The following STAU2 variants were observed in gnomAD, a reference collection of about 807,000 sequenced individuals.
STAU2 encodes the protein staufen double-stranded RNA binding protein 2, also known as double-stranded RNA-binding protein Staufen homolog 2.
In STAU2, 20 loss-of-function variants were observed where a neutral mutation model predicts 65.9. The observed-to-expected ratio is 0.30, with a 90% CI of 0.21 to 0.44. The LOEUF (loss-of-function observed/expected upper bound fraction) is 0.44. Ranked by LOEUF, STAU2 falls within the 20% of genes least tolerant of loss-of-function variation. The pLI is 1.00. For synonymous variants in STAU2, 232 were observed against 233.9 expected (o/e 0.99, Z 0.07); for missense variants, 558 against 683.9 (o/e 0.82, Z 2.05).
intron 13 of STAU2, among the ~76,000 whole-genome samples, chr8:73,523,024 C>G (rs895640122): frequency 6.6e-6 from 1 of 151,640 alleles, no homozygotes; most frequent in Non-Finnish European, 1.5e-5. Context: ...GGTGAAACCC[C>G]GTCTCTACTA....
chr8:73,608,796 C>T (rs28613252), intron 9 of STAU2, among the ~76,000 whole-genome samples: 1 of 151,848 alleles, frequency 6.6e-6, no homozygotes, highest in African/African-American at 2.4e-5. Flanking sequence ...TCAAGACCAG[C>T]CTGGCCGACA....
chr8:73,492,712 CAG>C (rs796228445), intron 13 of STAU2, among the ~76,000 whole-genome samples: 6 of 151,868 alleles, frequency 4.0e-5, no homozygotes, highest in African/African-American at 1.2e-4. Context: ...GTGTAAAAGA[CAG>C]ATTGGATTTA....
In STAU2 at chr8:73,581,638, T is replaced by C. The variant is rs184907527; in HGVS notation, c.1222+1132A>G. Among the ~76,000 whole-genome samples, 182 of 152,322 alleles carry C rather than the reference T, an allele frequency of 1.2e-3. 1 individual carries two copies. The highest frequency in any genetic ancestry group is 9.1e-3 in the South Asian group (44 of 4,822). On this transcript the variant is annotated intron_variant, in intron 12 of 14. Transcript: ENST00000524300. ...CAAACTCTAGGAATCCTGAACTGAT[T>C]CCATTTTTTCCTTGGGCTATGTGCT...
At position 73,577,441 on chromosome 8, in the gene STAU2, T is replaced by TTATATA. The variant is rs369079649; in HGVS notation, c.1222+5323_1222+5328dup. On this transcript the variant is annotated intron_variant, in intron 12 of 14. Transcript: ENST00000524300. Reference sequence around the variant, plus strand: ...GACTCCATCTCAAAAAAAAAAAAAATTATATATATATATATACACACACAT... The same window carrying TTATATA: ...GACTCCATCTCAAAAAAAAAAAAAATTATATATATATATATATATATACACACACAT... Among the ~76,000 whole-genome samples, 360 of 145,108 alleles carry TTATATA rather than the reference T, an allele frequency of 2.5e-3. 2 individuals are homozygous for TTATATA. The highest frequency in any genetic ancestry group is 5.7e-3 in the African/African-American group (225 of 39,222).
At chr8:73,605,056 G>A (rs1214478972) in intron 9 of STAU2, among the ~76,000 whole-genome samples, 1 of 152,002 alleles carries the variant, frequency 6.6e-6, no homozygotes, top group East Asian at 1.9e-4. Context: ...TCATATAATG[G>A]AATGGTATAT....
intron 3 of STAU2, among the ~76,000 whole-genome samples, chr8:73,734,815 C>A (rs1806320636): frequency 1.3e-5 from 2 of 151,880 alleles, no homozygotes; most frequent in South Asian, 2.1e-4. Flanking sequence ...AATAAAAAAG[C>A]ATCTAATTCA....
chr8:73,449,097 G>A (rs763844173), intron 13 of STAU2, among the ~76,000 whole-genome samples: 18 of 152,228 alleles, frequency 1.2e-4, no homozygotes, highest in Admixed American at 2.0e-4. Flanking sequence ...AGCCAACAGC[G>A]GCCTTCGAGC....
chr8:73,673,228 T>C lies in STAU2; in HGVS notation c.289A>G (p.Thr97Ala). ...VNNNPGSITP[T>A]VELNGLAMKR... ...ATAGCAAGCCCATTCAGTTCCACAG[T>C]TGGAGTTATACTGCCTGTTTAAAAA... The change falls in exon 6 of 15, where the codon ACT becomes GCT. Residue 97 changes from threonine to alanine, a missense_variant. Thr to Ala is a moderately conservative substitution (Grantham distance 58). This residue lies in a region of STAU2 where 112 missense variants were observed against 114.2 expected (regional missense o/e 0.98). Transcript: ENST00000524300. 4 of 1,591,120 alleles carry C rather than the reference T, an allele frequency of 2.5e-6. 1 individual carries two copies. Among genetic ancestry groups the C allele is most frequent in the Non-Finnish European group, 2.6e-6 (3 of 1,169,732 alleles).
At chr8:73,670,275 T>TA (rs1563495628) in intron 6 of STAU2, among the ~76,000 whole-genome samples, 2 of 152,016 alleles carry the variant, frequency 1.3e-5, no homozygotes, top group Non-Finnish European at 2.9e-5. Context: ...GCAGAGATGT[T>TA]ACAGGAGAGA....
chr8:73,578,225 G>A (rs1023298843), intron 12 of STAU2, among the ~76,000 whole-genome samples: 3 of 151,976 alleles, frequency 2.0e-5, no homozygotes, highest in Non-Finnish European at 4.4e-5. Flanking sequence ...AAATCTTTCC[G>A]GAGAATATTG....
At chr8:73,693,520 T>G (rs1006488049) in intron 4 of STAU2, among the ~76,000 whole-genome samples, 5 of 152,146 alleles carry the variant, frequency 3.3e-5, no homozygotes, top group African/African-American at 1.2e-4. Context: ...AAAAATTTCT[T>G]TTTACTATCT....
intron 13 of STAU2, among the ~76,000 whole-genome samples, chr8:73,425,767 G>A (rs183360192): frequency 2.1e-4 from 32 of 152,072 alleles, no homozygotes; most frequent in Middle Eastern, 3.4e-3. Flanking sequence ...ACATCTTGGC[G>A]CACGTCTTTC....
intron 13 of STAU2, among the ~76,000 whole-genome samples, chr8:73,429,465 C>G: frequency 9.3e-6 from 1 of 107,854 alleles, no homozygotes; most frequent in African/African-American, 3.5e-5. Flanking sequence ...CAAAGTCTCA[C>G]TCTGTTGCTC....
intron 13 of STAU2, among the ~76,000 whole-genome samples, chr8:73,509,848 C>T (rs895738385): frequency 6.6e-6 from 1 of 151,996 alleles, no homozygotes; most frequent in African/African-American, 2.4e-5. Flanking sequence ...GAATAATATG[C>T]TTATGCAGAG....
intron 4 of STAU2, among the ~76,000 whole-genome samples, chr8:73,706,771 G>A (rs1449885347): frequency 6.6e-6 from 1 of 152,076 alleles, no homozygotes; most frequent in African/African-American, 2.4e-5. Context: ...TAAAACCAAG[G>A]GAATCCTGGG....
At chr8:73,481,511 AAAAAC>A (rs1409159858) in intron 13 of STAU2, among the ~76,000 whole-genome samples, 4 of 87,730 alleles carry the variant, frequency 4.6e-5, no homozygotes, top group African/African-American at 1.5e-4. Flanking sequence ...AAAAAAACAA[AAAAAC>A]AAAAAAAAAA....
intron 12 of STAU2, among the ~76,000 whole-genome samples, chr8:73,581,263 T>C (rs943231248): frequency 6.6e-6 from 1 of 152,188 alleles, no homozygotes; most frequent in African/African-American, 2.4e-5. Flanking sequence ...CTATTTGATC[T>C]TTATATTAAA....
At chr8:73,735,321 T>A (rs913204750) in intron 3 of STAU2, among the ~76,000 whole-genome samples, 1 of 152,178 alleles carries the variant, frequency 6.6e-6, no homozygotes, top group Non-Finnish European at 1.5e-5. Flanking sequence ...AATTTAAGAA[T>A]TCAACTCTAT....
intron 13 of STAU2, among the ~76,000 whole-genome samples, chr8:73,524,399 G>A (rs1472610262): frequency 6.6e-6 from 1 of 152,148 alleles, no homozygotes; most frequent in Non-Finnish European, 1.5e-5. Flanking sequence ...GGCATCATCA[G>A]CATATAGATG....
Sources: allele counts gnomAD v4.1 joint callset (sites outside exome capture counted in the v4.1 genomes callset), GRCh38; gene constraint gnomAD v4.1.1; regional missense constraint gnomAD v4.1.1; transcripts MANE v1.5; gene names NCBI Gene and HGNC (gene_info 2026-07-23, HGNC 2026-07-21).